Variants in NAV1 observed in about 807,000 individuals in gnomAD.
NAV1 encodes neuron navigator 1, also known as pore membrane and/or filament interacting like protein 3.
A neutral mutation model predicts 175.2 loss-of-function variants in NAV1; 18 were observed. The ratio of observed to expected loss-of-function variants is 0.10; its 90% CI spans 0.07 to 0.15. The LOEUF is 0.15. NAV1 is among the 10% of genes least tolerant of loss of function. NAV1 has a pLI of 1.00. For synonymous variants in NAV1, 897 were observed against 978.7 expected (o/e 0.92, Z 1.56); for missense variants, 1,731 against 2,436.6 (o/e 0.71, Z 6.10).
At chr1:201,606,361 G>A (rs999570956) in intron 2 of NAV1, among the ~76,000 whole-genome samples, 7 of 152,220 alleles carry the variant, frequency 4.6e-5, no homozygotes, top group African/African-American at 1.7e-4. Context: ...CCCCAAGCCA[G>A]TATCTGGCAC....
At chr1:201,551,633 T>C (rs530595378) in intron 1 of NAV1, among the ~76,000 whole-genome samples, 1 of 152,352 alleles carries the variant, frequency 6.6e-6, no homozygotes, top group African/African-American at 2.4e-5. Flanking sequence ...CTATCACATT[T>C]ATTTTGACAA....
At chr1:201,724,474 T>C (rs1247381624) in intron 3 of NAV1, 1 of 152,290 alleles carries the variant, frequency 6.6e-6, no homozygotes, top group Non-Finnish European at 1.5e-5. Context: ...CATTTTTGTG[T>C]ATGTGAATGG....
In NAV1 at chr1:201,813,988, CA is replaced by C. The variant is rs1168651576; in HGVS notation, c.5340+732del. On this transcript the variant is annotated intron_variant, in intron 28 of 29. Coordinates refer to ENST00000367296, the Ensembl canonical transcript of NAV1. The surrounding 1 kb of genome is among the most constrained non-coding windows in gnomAD (Gnocchi z 4.2). ...AGGAGAATGGCGTGAACTCGGGAGGCAAGAGCTTGCAGTGAGCTGAGATCAC... is the reference window on the plus strand; with the variant it reads ...AGGAGAATGGCGTGAACTCGGGAGGCAGAGCTTGCAGTGAGCTGAGATCAC... Among the ~76,000 whole-genome samples, 2 of 152,122 alleles carry C rather than the reference CA, an allele frequency of 1.3e-5. No homozygotes were observed. Among genetic ancestry groups the C allele is most frequent in the East Asian group, 1.9e-4 (1 of 5,176 alleles).
At chr1:201,786,371 C>A in intron 8 of NAV1, 58 bp from the exon 13 acceptor site, 1 of 1,558,166 alleles carries the variant, frequency 6.4e-7, no homozygotes, top group Non-Finnish European at 8.7e-7. Flanking sequence ...TCCGCACCAA[C>A]TAAACCTCTG....
chr1:201,547,989 C>T (rs777754003), intron 1 of NAV1, among the ~76,000 whole-genome samples: 3 of 151,996 alleles, frequency 2.0e-5, no homozygotes, highest in Non-Finnish European at 2.9e-5. Context: ...AGACGGGGTT[C>T]CACCATCTTG....
At chr1:201,590,308 T>C (rs1348450089) in intron 2 of NAV1, among the ~76,000 whole-genome samples, 2 of 152,220 alleles carry the variant, frequency 1.3e-5, no homozygotes. Flanking sequence ...ACCAGGGCCC[T>C]CTGATCTCAG....
rs1287948392 is a variant in NAV1 at position 201,807,942 on chromosome 1, C to A, written c.3649-11C>A. On this transcript the variant is annotated splice_polypyrimidine_tract_variant and intron_variant, in intron 17 of 29. Transcript: ENST00000367296. The surrounding 1 kb of genome is among the most constrained non-coding windows in gnomAD (Gnocchi z 5.4). ...CCTAATGTCCCTCTACCTGGATCTG[C>A]TTTTTTCTAGCTTCGAAGTTCCTTC... 9.9e-6 allele frequency: 16 copies of A among 1,614,092 alleles called. No homozygotes were observed. The highest frequency in any genetic ancestry group is 1.4e-5 in the Non-Finnish European group (16 of 1,179,982).
chr1:201,715,833 C>T (rs1287753860), intron 2 of NAV1, among the ~76,000 whole-genome samples: 1 of 152,098 alleles, frequency 6.6e-6, no homozygotes, highest in Non-Finnish European at 1.5e-5. Flanking sequence ...GGTTCATTTC[C>T]CCCAGCGAGG....
At chr1:201,756,976 T>C (rs1451499092) in intron 3 of NAV1, among the ~76,000 whole-genome samples, 1 of 152,080 alleles carries the variant, frequency 6.6e-6, no homozygotes, top group East Asian at 1.9e-4. Flanking sequence ...GTGGTCACAA[T>C]AATAGTGGCA....
chr1:201,590,324 C>G (rs1343203428), intron 2 of NAV1, among the ~76,000 whole-genome samples: 1 of 152,220 alleles, frequency 6.6e-6, no homozygotes, highest in Non-Finnish European at 1.5e-5. Context: ...CTCAGCCTAT[C>G]CCCTTCCAGG....
chr1:201,722,981 C>T (rs906336413), intron 3 of NAV1, among the ~76,000 whole-genome samples: 32 of 152,180 alleles, frequency 2.1e-4, no homozygotes, highest in African/African-American at 5.8e-4. Flanking sequence ...CGTGGTGGTG[C>T]GTGCCTGTAA....
chr1:201,736,955 CAG>C (rs1456784143), intron 3 of NAV1, among the ~76,000 whole-genome samples: 2 of 151,936 alleles, frequency 1.3e-5, no homozygotes, highest in Non-Finnish European at 2.9e-5. Flanking sequence ...CAGTCATGCT[CAG>C]AGTCACCCCT....
chr1:201,561,465 C>T (rs1666198052), intron 1 of NAV1, among the ~76,000 whole-genome samples: 1 of 152,148 alleles, frequency 6.6e-6, no homozygotes, highest in South Asian at 2.1e-4. Context: ...GGGTAACTAA[C>T]CAGGGTGCTT....
chr1:201,779,598 CAAAAAA>C (rs10624879), intron 3 of NAV1, among the ~76,000 whole-genome samples: 25 of 69,060 alleles, frequency 3.6e-4, no homozygotes, highest in Admixed American at 2.1e-3. Flanking sequence ...GACTCCGTCT[CAAAAAA>C]AAAAAAAAAA....
At position 201,772,399 on chromosome 1, in the gene NAV1, C is replaced by G. The variant is rs534940354; in HGVS notation, c.1227-8022C>G. Among the ~76,000 whole-genome samples, 7 of 152,268 alleles carry G rather than the reference C, an allele frequency of 4.6e-5. No homozygotes were observed. The East Asian group carries it at 1.4e-3, about 29-fold the overall frequency. ...GATCACTGCATAGTGGTGTGAGGAC[C>G]GGCTCCTCATGCAGGTCTGTATTTC... On this transcript the variant is annotated intron_variant, in intron 3 of 29. Coordinates refer to ENST00000367296, the Ensembl canonical transcript of NAV1.
chr1:201,666,898 G>A (rs1196153192), intron 1 of NAV1, among the ~76,000 whole-genome samples: 1 of 152,060 alleles, frequency 6.6e-6, no homozygotes, highest in Non-Finnish European at 1.5e-5. Context: ...CATGTTCCGT[G>A]GTAGGATTTC....
chr1:201,702,676 CTCTCT>C (rs761518767), intron 1 of NAV1, among the ~76,000 whole-genome samples: 46,439 of 125,486 alleles, frequency 0.37, 12,615 homozygotes, highest in South Asian at 0.59. Context: ...TGTGAATTCT[CTCTCT>C]CTCTCTCTCT....
At chr1:201,707,515 G>C (rs1671720131) in intron 1 of NAV1, among the ~76,000 whole-genome samples, 1 of 152,180 alleles carries the variant, frequency 6.6e-6, no homozygotes, top group South Asian at 2.1e-4. Context: ...GCAGTACCAG[G>C]ACCTGAAGCA....
intron 2 of NAV1, among the ~76,000 whole-genome samples, chr1:201,616,821 CAT>C (rs1364976584): frequency 6.6e-6 from 1 of 152,182 alleles, no homozygotes; most frequent in Non-Finnish European, 1.5e-5. Context: ...ACTGCCTGCA[CAT>C]GTTACTTGTC....
Sources: allele counts gnomAD v4.1 joint callset (sites outside exome capture counted in the v4.1 genomes callset), GRCh38; gene constraint gnomAD v4.1.1; non-coding constraint Gnocchi (gnomAD v3.1); transcripts MANE v1.5; gene names NCBI Gene and HGNC (gene_info 2026-07-23, HGNC 2026-07-21).